Variants in AHRR observed in about 807,000 individuals in gnomAD.
The protein encoded by AHRR is aryl hydrocarbon receptor repressor.
Under a neutral mutation model 44.0 loss-of-function variants are expected in AHRR, and 28 were observed. The ratio of observed to expected loss-of-function variants is 0.64; its 90% CI spans 0.47 to 0.87. The LOEUF (loss-of-function observed/expected upper bound fraction) is 0.87. AHRR is among the 40% of genes least tolerant of loss of function. AHRR has a pLI of 0.00. For synonymous variants in AHRR, 434 were observed against 407.0 expected, an observed-to-expected ratio of 1.07 and a Z score of -0.80; for missense variants, 990 against 953.9, an observed-to-expected ratio of 1.04 and a Z score of -0.50.
chr5:360,910 C>A (rs1443023652), intron 3 of AHRR, among the ~76,000 whole-genome samples: 1 of 152,080 alleles, frequency 6.6e-6, no homozygotes, highest in Non-Finnish European at 1.5e-5. Context: ...AGAAAAGGAA[C>A]CAGAACTTGA....
At chr5:423,409 A>T (rs982503051) in intron 6 of AHRR, among the ~76,000 whole-genome samples, 1 of 152,092 alleles carries the variant, frequency 6.6e-6, no homozygotes, top group Non-Finnish European at 1.5e-5. Flanking sequence ...GGACAGTTGC[A>T]TCTGGGCTCT....
chr5:390,512 C>T (rs551943921), intron 4 of AHRR, among the ~76,000 whole-genome samples: 16 of 152,280 alleles, frequency 1.1e-4, no homozygotes, highest in African/African-American at 3.4e-4. Flanking sequence ...CTAACGATCC[C>T]GGAGAAGCAT....
intron 6 of AHRR, 34 bp downstream of exon 6, chr5:422,892 C>T: frequency 6.3e-7 from 1 of 1,591,236 alleles, no homozygotes; most frequent in East Asian, 2.2e-5. Context: ...GTCAGCAAAA[C>T]CTAAAGCAGG....
chr5:414,415 C>T (rs1009252575), intron 5 of AHRR, among the ~76,000 whole-genome samples: 2 of 152,206 alleles, frequency 1.3e-5, no homozygotes, highest in South Asian at 2.1e-4. Flanking sequence ...GGCGAGGACC[C>T]CCAGGATCTG....
rs1372818072 is a variant in AHRR, at chr5:436,035, A to AG, written c.*1203dup. On this transcript the variant is annotated 3_prime_UTR_variant, in exon 11 of 11. Transcript: ENST00000684583. ...GGGTGTAGAAGTCACCCCAAGCAAG[A>AG]GGAAGCCAGGCAGTGAGGCCCTGGG... is the stretch of plus-strand genomic sequence containing the variant. 6.5e-6 allele frequency: 1 copy of AG among 152,846 alleles called. No homozygotes were observed. Among genetic ancestry groups the AG allele is most frequent in the Non-Finnish European group, 1.5e-5 (1 of 68,178 alleles). The allele number at this position is 152,846 out of a possible 1,614,324, so 9.5% of individuals were successfully genotyped here.
intron 3 of AHRR, among the ~76,000 whole-genome samples, chr5:361,349 C>T (rs1743170390): frequency 6.6e-6 from 1 of 152,226 alleles, no homozygotes; most frequent in Non-Finnish European, 1.5e-5. Context: ...TCAGCAGAGG[C>T]CAGGAGTGGG....
chr5:369,246 G>A (rs960282417), intron 3 of AHRR, among the ~76,000 whole-genome samples: 5 of 152,110 alleles, frequency 3.3e-5, no homozygotes, highest in Non-Finnish European at 5.9e-5. Context: ...AGAGCAGCAC[G>A]GCACAGTCAT....
chr5:415,647 G>A (rs1245427034), intron 5 of AHRR, among the ~76,000 whole-genome samples: 2 of 124,664 alleles, frequency 1.6e-5, no homozygotes, highest in Non-Finnish European at 3.6e-5. Flanking sequence ...GCCTGGTGGG[G>A]CGGGAGGCCT....
intron 1 of AHRR, chr5:343,605 C>T (rs1742444631): frequency 4.7e-6 from 2 of 427,700 alleles, no homozygotes; most frequent in Admixed American, 4.8e-5. Flanking sequence ...CCCGCCACGG[C>T]GCCCTGAGCC....
Position 411,023 on chromosome 5 carries a change from T to C in AHRR, c.352-2321T>C, listed in dbSNP as rs1012385208. Reference sequence around the variant, plus strand: ...TGGTGTCAGTGATTTGTTTTTTTTTTCTTGATGAGTCTTGCTAGCAGATTA... The same window carrying C: ...TGGTGTCAGTGATTTGTTTTTTTTTCCTTGATGAGTCTTGCTAGCAGATTA... On this transcript the variant is annotated intron_variant, in intron 4 of 10. Coordinates refer to ENST00000684583, the MANE Select transcript of AHRR (RefSeq NM_001377236.1). The surrounding 1 kb of genome is among the most constrained non-coding windows in gnomAD (Gnocchi z 4.2). Among the ~76,000 whole-genome samples, 4 of 151,306 alleles carry C rather than the reference T, an allele frequency of 2.6e-5. No homozygotes were observed. Among genetic ancestry groups the C allele is most frequent in the Non-Finnish European group, 4.4e-5 (3 of 68,026 alleles).
At chr5:355,747 G>A (rs962490014) in intron 3 of AHRR, among the ~76,000 whole-genome samples, 1 of 152,218 alleles carries the variant, frequency 6.6e-6, no homozygotes, top group Non-Finnish European at 1.5e-5. Flanking sequence ...CTGTGCAGGG[G>A]CACCCTGCGT....
intron 4 of AHRR, among the ~76,000 whole-genome samples, chr5:389,210 AG>A (rs201325964): frequency 0.018 from 866 of 47,410 alleles, 8 homozygotes; most frequent in African/African-American, 0.053. Flanking sequence ...GGGGTGAGGG[AG>A]GGGGGTGAGC....
intron 3 of AHRR, 94 bp from the exon 4 acceptor site, chr5:376,516 G>T (rs1733667307): frequency 3.0e-6 from 4 of 1,343,720 alleles, no homozygotes; most frequent in Admixed American, 2.4e-5. Context: ...AGAACCGTGG[G>T]GTGAACGCGG....
chr5:422,731 G>A lies in AHRR; in HGVS notation c.444G>A (p.Thr148=), dbSNP rs375145627. Residue 148 remains threonine, a splice_region_variant and synonymous_variant, in exon 6 of 11, where the codon ACG becomes ACA. Transcript: ENST00000684583. ...TIVDYLGFHQ[T]DVMHQNIYDY... ...ATAATCTTGTTGCGCTATTTCAGAC[G>A]GATGTAATGCACCAGAACATTTATG... 5 of 1,614,034 alleles carry A rather than the reference G, an allele frequency of 3.1e-6. No homozygotes were observed. Among genetic ancestry groups the A allele is most frequent in the Middle Eastern group, 1.6e-4 (1 of 6,084 alleles).
intron 3 of AHRR, 122 bp from the exon 4 acceptor site, chr5:376,488 C>A (rs2126442855): frequency 1.6e-4 from 6 of 36,414 alleles, no homozygotes; most frequent in Admixed American, 7.4e-4. Context: ...CAGTGCAGCC[C>A]AGGCCAGATG....
At chr5:426,607 A>G (rs1177322430) in intron 7 of AHRR, among the ~76,000 whole-genome samples, 1 of 125,484 alleles carries the variant, frequency 8.0e-6, no homozygotes, top group African/African-American at 2.7e-5. Context: ...AAATGGAAAG[A>G]TGGATGGATG....
At position 376,814 on chromosome 5, in the gene AHRR, C is replaced by T. The variant is rs1936716185; in HGVS notation, c.351+98C>T. 4.5e-6 allele frequency: 5 copies of T among 1,100,398 alleles called. No homozygotes were observed. In the South Asian group the frequency reaches 5.5e-5, roughly 12 times the overall value. 68.2% of individuals were successfully genotyped at this position (1,100,398 alleles called of 1,614,324 possible). On this transcript the variant is annotated intron_variant, in intron 4 of 10. Transcript: ENST00000684583. Reference sequence around the variant, plus strand: ...TACTCCGTGTCACGCATGTTCAGGCCCTCACCCAGGAGGCCCTTAGGTTGT... The same window carrying T: ...TACTCCGTGTCACGCATGTTCAGGCTCTCACCCAGGAGGCCCTTAGGTTGT...
chr5:329,306 G>A (rs1741835066), intron 1 of AHRR, among the ~76,000 whole-genome samples: 1 of 152,108 alleles, frequency 6.6e-6, no homozygotes, highest in African/African-American at 2.4e-5. Flanking sequence ...CCAAGAGATT[G>A]TCTGGCCTCT....
At chr5:384,705 G>A (rs1355019414) in intron 4 of AHRR, among the ~76,000 whole-genome samples, 1 of 152,008 alleles carries the variant, frequency 6.6e-6, no homozygotes, top group Non-Finnish European at 1.5e-5. Context: ...TACAGCCACC[G>A]CACCCGGCCC....
Sources: gnomAD v4.1 joint callset for allele counts (sites outside exome capture counted in the v4.1 genomes callset) on GRCh38, gnomAD v4.1.1 for gene constraint, Gnocchi (gnomAD v3.1) non-coding constraint, MANE v1.5 for transcripts, NCBI Gene and HGNC (gene_info 2026-07-23, HGNC 2026-07-21) for gene names.